The following CHD4 variants were observed in gnomAD, a reference collection of about 807,000 sequenced individuals.
CHD4 encodes the protein chromodomain helicase DNA binding protein 4.
Under a neutral mutation model 235.5 loss-of-function variants are expected in CHD4, and 35 were observed. The observed-to-expected ratio is 0.15, with a 90% CI of 0.11 to 0.20. The LOEUF is 0.20. CHD4 is among the 10% of genes least tolerant of loss of function. The pLI is 1.00. For synonymous variants in CHD4, 900 were observed against 850.2 expected, an observed-to-expected ratio of 1.06 and a Z score of -1.02; for missense variants, 1,329 against 2,432.3, an observed-to-expected ratio of 0.55 and a Z score of 9.54.
chr12:6,588,879 AGG>A (rs1321365811), intron 22 of CHD4, among the ~76,000 whole-genome samples: 2 of 152,276 alleles, frequency 1.3e-5, no homozygotes, highest in East Asian at 3.9e-4. Context: ...CAAGAGTTCA[AGG>A]TTATAATGAG....
Position 6,602,590 on chromosome 12 carries a change from C to T in CHD4, c.101-93G>A, listed in dbSNP as rs539493692. The T allele has an allele frequency of 5.5e-4, 818 of 1,484,120 alleles. 9 individuals are homozygous for T. The South Asian group carries it at 6.7e-3, about 12-fold the overall frequency. The allele number at this position is 1,484,120 out of a possible 1,614,324, so 91.9% of individuals were successfully genotyped here. On this transcript the variant is annotated intron_variant, in intron 2 of 39. Coordinates refer to ENST00000544040, the MANE Select transcript of CHD4 (RefSeq NM_001273.5). ...AGAGGCTTTAGACTTTATTCCCCACCTCTTGTCCCAGATTCCTCTGAAGAG... is the reference window on the plus strand; with the variant it reads ...AGAGGCTTTAGACTTTATTCCCCACTTCTTGTCCCAGATTCCTCTGAAGAG...
chr12:6,587,274 A>T (rs530135978), intron 25 of CHD4, 110 bp downstream of exon 25: 1 of 1,057,540 alleles, frequency 9.5e-7, no homozygotes, highest in East Asian at 2.4e-5. Context: ...ATTCATCAAC[A>T]TAAGAATTTG....
At chr12:6,572,796 G>C (rs1192021608) in intron 38 of CHD4, 8 of 254,424 alleles carry the variant, frequency 3.1e-5, no homozygotes, top group Non-Finnish European at 6.0e-5. Context: ...TCCTGACCTC[G>C]TGATCCACCT....
At chr12:6,602,282 C>A (rs1217372504) in intron 3 of CHD4, 94 bp downstream of exon 3, 1 of 1,600,820 alleles carries the variant, frequency 6.2e-7, no homozygotes, top group African/African-American at 1.4e-5. Context: ...CCCACCACTT[C>A]TGAGAAAGAA....
chr12:6,591,870 T>A (rs1334477112), intron 20 of CHD4, 45 bp from the exon 21 acceptor site: 3 of 1,613,914 alleles, frequency 1.9e-6, no homozygotes, highest in African/African-American at 2.7e-5. Flanking sequence ...AAAGCCCACA[T>A]GGAGAAGACC....
At chr12:6,578,809 T>C in intron 34 of CHD4, 37 bp downstream of exon 34, 1 of 1,597,270 alleles carries the variant, frequency 6.3e-7, no homozygotes, top group Non-Finnish European at 8.6e-7. Context: ...GGTTTTAGAG[T>C]TCTTCTGAAC....
Position 6,596,732 on chromosome 12 carries a change from G to A in CHD4, c.1893-595C>T, listed in dbSNP as rs528179365. Among the ~76,000 whole-genome samples the A allele has an allele frequency of 7.2e-5, 11 of 152,006 alleles. No homozygotes were observed. In the South Asian group the frequency reaches 1.0e-3, roughly 14 times the overall value. On this transcript the variant is annotated intron_variant, in intron 12 of 39. Coordinates refer to ENST00000544040, the MANE Select transcript of CHD4 (RefSeq NM_001273.5). The stretch of plus-strand genomic sequence containing the variant: ...GGAGAATTGCTTGAACCCGGGCGGC[G>A]GAGGTTGCAGCAAGCTGAGATTGCG...
At chr12:6,597,046 G>C (rs79056447) in intron 12 of CHD4, among the ~76,000 whole-genome samples, 5,735 of 150,120 alleles carry the variant, frequency 0.038, 293 homozygotes, top group East Asian at 0.26. Flanking sequence ...GAGGTGAGCG[G>C]ATCACAAGGT....
At chr12:6,606,872 A>G (rs1428314260) in intron 1 of CHD4, 3 of 152,910 alleles carry the variant, frequency 2.0e-5, no homozygotes, top group Non-Finnish European at 4.4e-5. Context: ...GCAGCTCTCC[A>G]AAGGCTGTCC....
In CHD4 at chr12:6,587,833, C is replaced by T. The variant is rs755527057; in HGVS notation, c.3582G>A (p.Leu1194=). 1.9e-6 allele frequency: 3 copies of T among 1,614,254 alleles called. No individual in the cohort carries two copies. Among genetic ancestry groups the T allele is most frequent in the Non-Finnish European group, 2.5e-6 (3 of 1,180,042 alleles). ...GCCCAGGCCGCACCACTAGATGCGT[C>T]AGCATCATTTTCTTCTTTGCCACCT... ...ITQVAKKKMM[L]THLVVRPGLG... The change falls in exon 24 of 40, where the codon CTG becomes CTA. Residue 1194 remains leucine (L), a synonymous_variant. Transcript: ENST00000544040.
chr12:6,578,993 G>A, intron 33 of CHD4, 76 bp from the exon 34 acceptor site: 6 of 1,366,174 alleles, frequency 4.4e-6, no homozygotes, highest in Non-Finnish European at 6.3e-6. Context: ...TATCCAATTG[G>A]ATAGACCCAC....
At chr12:6,596,333 AG>A (rs936343192) in intron 12 of CHD4, among the ~76,000 whole-genome samples, 196 bp from the exon 13 acceptor site, 2 of 152,200 alleles carry the variant, frequency 1.3e-5, no homozygotes, top group East Asian at 3.9e-4. Flanking sequence ...CTCAAACACC[AG>A]AATTCAGTCA....
intron 33 of CHD4, among the ~76,000 whole-genome samples, chr12:6,579,811 C>CT (rs1357850811): frequency 6.6e-6 from 1 of 150,464 alleles, no homozygotes; most frequent in Non-Finnish European, 1.5e-5. Context: ...AATCCCCGCA[C>CT]TTTGGGAGGC....
At chr12:6,583,476 G>A in intron 25 of CHD4, 98 bp from the exon 26 acceptor site, 1 of 1,060,676 alleles carries the variant, frequency 9.4e-7, no homozygotes, top group South Asian at 1.6e-5. Flanking sequence ...TCCTTTTCAT[G>A]ACTGGACTCT....
rs1340078833 is a variant in CHD4 at position 6,587,568 on chromosome 12, A to G, written c.3704-9T>C. On this transcript the variant is annotated splice_polypyrimidine_tract_variant and intron_variant, in intron 24 of 39. Coordinates refer to ENST00000544040, the MANE Select transcript of CHD4 (RefSeq NM_001273.5). ...CTCTTTGTTGTCTCCTCCTATAAAA[A>G]ATCAAGGGCCCACATCCCCAAAGTC... is the stretch of plus-strand genomic sequence containing the variant. 1.2e-6 allele frequency: 2 copies of G among 1,613,382 alleles called. No individual in the cohort carries two copies. The highest frequency in any genetic ancestry group is 2.7e-5 in the African/African-American group (2 of 74,868).
Position 6,594,790 on chromosome 12 carries a change from A to G in CHD4, c.2122-140T>C, listed in dbSNP as rs944799866. ...AAAATTCGGAGGGAAGAGATCCCCT[A>G]TGATTACTGCAATTTCATGTTCAGT... On this transcript the variant is annotated intron_variant, in intron 14 of 39. Transcript: ENST00000544040. 8.6e-6 allele frequency: 6 copies of G among 695,128 alleles called. No individual in the cohort carries two copies. In the African/African-American group the frequency reaches 9.0e-5, roughly 10 times the overall value. The allele number at this position is 695,128 out of a possible 1,614,324, so 43.1% of individuals were successfully genotyped here.
rs552926032 is a variant in CHD4 at position 6,587,619 on chromosome 12, G to C, written c.3704-60C>G. ...AGTTTCAGCAGCTGCAGTGGAAAAAGCAAGTCCCACAAGACCCTTGGTATC... is the reference window on the plus strand; with the variant it reads ...AGTTTCAGCAGCTGCAGTGGAAAAACCAAGTCCCACAAGACCCTTGGTATC... On this transcript the variant is annotated intron_variant, in intron 24 of 39. Coordinates refer to ENST00000544040, the MANE Select transcript of CHD4 (RefSeq NM_001273.5). The C allele has an allele frequency of 6.1e-5, 98 of 1,608,228 alleles. No individual in the cohort carries two copies. In the South Asian group the frequency reaches 1.0e-3, roughly 16 times the overall value.
At chr12:6,595,453 A>C (rs1407821214) in intron 13 of CHD4, 23 bp from the exon 14 acceptor site, 18 of 1,601,480 alleles carry the variant, frequency 1.1e-5, no homozygotes, top group Non-Finnish European at 1.5e-5. Context: ...GACATCACAC[A>C]GCTGCCCAAA....
rs1282826485 is a variant in CHD4 at position 6,581,324 on chromosome 12, C to T, written c.4746G>A (p.Glu1582=). ...CAGTCTCAGGGGCTGTAGATTTAACCTCCTTTTCTCCTTCTATGCTCTCTT... is the reference window on the plus strand; with the variant it reads ...CAGTCTCAGGGGCTGTAGATTTAACTTCCTTTTCTCCTTCTATGCTCTCTT... The part of the protein sequence containing the change: ...KEEESIEGEK[E]VKSTAPETAI... Residue 1582 remains glutamate, a synonymous_variant, in exon 32 of 40, where the codon GAG becomes GAA. Coordinates refer to ENST00000544040, the MANE Select transcript of CHD4 (RefSeq NM_001273.5). 2 of 1,614,170 alleles carry T rather than the reference C, an allele frequency of 1.2e-6. No individual in the cohort carries two copies. Among genetic ancestry groups the T allele is most frequent in the Admixed American group, 3.3e-5 (2 of 60,008 alleles).
Sources: gnomAD v4.1 joint callset for allele counts (sites outside exome capture counted in the v4.1 genomes callset) on GRCh38, gnomAD v4.1.1 for gene constraint, MANE v1.5 for transcripts, NCBI Gene and HGNC (gene_info 2026-07-23, HGNC 2026-07-21) for gene names.